The following TIPARP variants were observed in gnomAD, a reference collection of about 807,000 sequenced individuals.
TIPARP encodes protein mono-ADP-ribosyltransferase TIPARP.
TIPARP carries 12 observed loss-of-function variants against 56.5 expected under a neutral mutation model. The observed-to-expected ratio is 0.21, with a 90% CI of 0.14 to 0.34. The LOEUF is 0.34. Among genes scored for constraint, TIPARP ranks in the 10% least tolerant of loss-of-function variants. The pLI, the probability that TIPARP is intolerant of heterozygous loss-of-function variation, is 1.00. For missense variants in TIPARP, 604 were observed against 781.6 expected (o/e 0.77, Z 2.71); for synonymous variants, 296 against 265.7 (o/e 1.11, Z -1.11).
In TIPARP at chr3:156,702,019, C is replaced by CGGTGGTGGTGGTGGT. The variant is rs67188281; in HGVS notation, c.1248-1365_1248-1351dup. On this transcript the variant is annotated intron_variant, in intron 4 of 5. Transcript: ENST00000295924. Reference sequence around the variant, plus strand: ...AAAAGACTGTGTGTTGATGATAATGCGGTGGTGGTGGTGGTGGTGGTGGTG... The same window carrying CGGTGGTGGTGGTGGT: ...AAAAGACTGTGTGTTGATGATAATGCGGTGGTGGTGGTGGTGGTGGTGGTGGTGGTGGTGGTGGTG... Among the ~76,000 whole-genome samples the CGGTGGTGGTGGTGGT allele has an allele frequency of 1.6e-4, 16 of 98,660 alleles. No homozygotes were observed. In the South Asian group the frequency reaches 4.5e-3, roughly 28 times the overall value. The allele number at this position is 98,660 out of a possible 152,430, so 64.7% of individuals were successfully genotyped here.
chr3:156,678,324 G>C lies in TIPARP; in HGVS notation c.627G>C (p.Glu209Asp). ...ILDTSDKLST[E>D]LFQDKSEEAS... ...ACACCAGTGATAAGCTGAGTACTGA[G>C]CTCTTTCAGGACAAAAGTGAAGAGG... is the stretch of plus-strand genomic sequence containing the variant. The change falls in exon 2 of 6, where the codon GAG (glutamate) becomes GAC (aspartate). Residue 209 changes from glutamate (E) to aspartate (D), a missense_variant. Glu to Asp is a conservative substitution (Grantham distance 45, BLOSUM62 2). Around this residue, in one of 4 missense-constraint regions of TIPARP, gnomAD observed 261 missense variants for 279.2 expected, o/e 0.93. Coordinates refer to ENST00000295924, the MANE Select transcript of TIPARP (RefSeq NM_015508.5). 1 of 1,614,196 alleles carries C rather than the reference G, an allele frequency of 6.2e-7. No homozygotes were observed. Among genetic ancestry groups the C allele is most frequent in the Non-Finnish European group, 8.5e-7 (1 of 1,180,032 alleles).
At chr3:156,693,536 A>G (rs536834383) in intron 2 of TIPARP, among the ~76,000 whole-genome samples, 1 of 152,032 alleles carries the variant, frequency 6.6e-6, no homozygotes, top group East Asian at 1.9e-4. Context: ...GATTCATTTT[A>G]TTTTTCCCTT....
chr3:156,694,053 G>A lies in TIPARP; in HGVS notation c.951G>A (p.Met317Ile). Residue 317 changes from methionine (M) to isoleucine (I), a missense_variant, in exon 3 of 6, where the codon ATG (methionine) becomes ATA (isoleucine). By Grantham distance (10) the Met-to-Ile change is conservative (BLOSUM62 1). Coordinates refer to ENST00000295924, the MANE Select transcript of TIPARP (RefSeq NM_015508.5). ...GQEFWADLNAMNVYETTEFDQ... is the reference protein window; with the variant it reads ...GQEFWADLNAINVYETTEFDQ... ...AATTTTGGGCAGATTTGAATGCCAT[G>A]AACGTGTATGAAACAACTGAATTTG... 1 of 1,611,692 alleles carries A rather than the reference G, an allele frequency of 6.2e-7. No homozygotes were observed. Among genetic ancestry groups the A allele is most frequent in the Non-Finnish European group, 8.5e-7 (1 of 1,179,070 alleles).
intron 4 of TIPARP, among the ~76,000 whole-genome samples, chr3:156,701,869 C>T (rs1389234854): frequency 1.3e-5 from 2 of 151,858 alleles, no homozygotes; most frequent in East Asian, 1.9e-4. Flanking sequence ...CCCATCCATC[C>T]AGGACTCTGT....
At chr3:156,701,365 G>A (rs180739505) in intron 4 of TIPARP, among the ~76,000 whole-genome samples, 37 of 152,308 alleles carry the variant, frequency 2.4e-4, no homozygotes, top group Non-Finnish European at 4.6e-4. Flanking sequence ...TTGCTGTACA[G>A]GCTGACAGTC....
At chr3:156,693,964 G>A (rs569582141) in intron 2 of TIPARP, 56 bp from the exon 3 acceptor site, 5 of 1,515,846 alleles carry the variant, frequency 3.3e-6, no homozygotes, top group East Asian at 2.3e-5. Flanking sequence ...AGATATTTCT[G>A]TTTTACAAAT....
At chr3:156,690,450 T>C (rs1442689585) in intron 2 of TIPARP, among the ~76,000 whole-genome samples, 1 of 152,168 alleles carries the variant, frequency 6.6e-6, no homozygotes, top group Non-Finnish European at 1.5e-5. Flanking sequence ...TGTGCAGATA[T>C]TTGTTGAATA....
intron 2 of TIPARP, among the ~76,000 whole-genome samples, chr3:156,685,225 T>TA (rs1324803931): frequency 6.6e-6 from 1 of 152,248 alleles, no homozygotes; most frequent in Non-Finnish European, 1.5e-5. Flanking sequence ...TGAAGAGAGT[T>TA]AACTAAGCAT....
intron 2 of TIPARP, among the ~76,000 whole-genome samples, chr3:156,692,967 T>C (rs762976801): frequency 2.0e-5 from 3 of 152,100 alleles, no homozygotes; most frequent in Non-Finnish European, 4.4e-5. Context: ...AGGAAATAAG[T>C]TAATTATTGG....
intron 2 of TIPARP, among the ~76,000 whole-genome samples, chr3:156,681,864 G>A (rs909800340): frequency 2.0e-5 from 3 of 151,676 alleles, no homozygotes; most frequent in African/African-American, 7.3e-5. Flanking sequence ...TTTTGCACAC[G>A]AGATGAGCCT....
intron 2 of TIPARP, among the ~76,000 whole-genome samples, chr3:156,692,456 A>G (rs1420945844): frequency 3.3e-5 from 5 of 152,110 alleles, no homozygotes; most frequent in African/African-American, 1.2e-4. Context: ...CAGTGGCCAA[A>G]TATTATTTTA....
At chr3:156,693,789 A>G (rs1196133789) in intron 2 of TIPARP, among the ~76,000 whole-genome samples, 1 of 152,078 alleles carries the variant, frequency 6.6e-6, no homozygotes, top group South Asian at 2.1e-4. Context: ...CAATCTTACT[A>G]TAATTCCATG....
chr3:156,698,289 A>G (rs1722767962), intron 4 of TIPARP, among the ~76,000 whole-genome samples: 1 of 152,238 alleles, frequency 6.6e-6, no homozygotes, highest in African/African-American at 2.4e-5. Context: ...CCAGAAATCT[A>G]GCTGAGATCA....
intron 2 of TIPARP, among the ~76,000 whole-genome samples, chr3:156,692,747 T>G (rs540990540): frequency 6.6e-6 from 1 of 152,188 alleles, no homozygotes; most frequent in Admixed American, 6.5e-5. Flanking sequence ...TTCAAATATT[T>G]GTCTGCAGAA....
intron 1 of TIPARP, among the ~76,000 whole-genome samples, chr3:156,676,271 G>A (rs181957982): frequency 1.3e-5 from 2 of 152,322 alleles, no homozygotes; most frequent in Non-Finnish European, 2.9e-5. Context: ...CCAGCTTACA[G>A]TGAACTCTCC....
At chr3:156,701,119 T>C (rs1367312) in intron 4 of TIPARP, among the ~76,000 whole-genome samples, 8,531 of 152,306 alleles carry the variant, frequency 0.056, 296 homozygotes, top group Non-Finnish European at 0.074. Context: ...TTGTTAAAAG[T>C]AAGCATCTAT....
At chr3:156,701,332 C>G (rs993220505) in intron 4 of TIPARP, among the ~76,000 whole-genome samples, 2 of 152,196 alleles carry the variant, frequency 1.3e-5, no homozygotes, top group African/African-American at 4.8e-5. Flanking sequence ...GGGGCAGAAT[C>G]TCTTCTGTTG....
At chr3:156,689,807 T>C (rs1722520769) in intron 2 of TIPARP, among the ~76,000 whole-genome samples, 1 of 152,220 alleles carries the variant, frequency 6.6e-6, no homozygotes, top group Non-Finnish European at 1.5e-5. Context: ...GCATGTGGTG[T>C]CCTGCCTCCC....
Position 156,694,051 on chromosome 3 carries a change from A to G in TIPARP, c.949A>G (p.Met317Val). 1.2e-6 allele frequency: 2 copies of G among 1,611,924 alleles called. No individual in the cohort carries two copies. Among genetic ancestry groups the G allele is most frequent in the Non-Finnish European group, 8.5e-7 (1 of 1,179,214 alleles). Residue 317 changes from methionine (M) to valine (V), a missense_variant, in exon 3 of 6, where the codon ATG becomes GTG. This residue lies in a region of TIPARP where 252 missense variants were observed against 303.9 expected (regional missense o/e 0.83). Coordinates refer to ENST00000295924, the MANE Select transcript of TIPARP (RefSeq NM_015508.5). ...GQEFWADLNAMNVYETTEFDQ... is the reference protein window; with the variant it reads ...GQEFWADLNAVNVYETTEFDQ... ...AGAATTTTGGGCAGATTTGAATGCC[A>G]TGAACGTGTATGAAACAACTGAATT...
Sources: allele counts gnomAD v4.1 joint callset (sites outside exome capture counted in the v4.1 genomes callset), GRCh38; gene constraint gnomAD v4.1.1; regional missense constraint gnomAD v4.1.1; transcripts MANE v1.5; gene names NCBI Gene and HGNC (gene_info 2026-07-23, HGNC 2026-07-21).